Variants in RP1 observed in about 807,000 individuals in gnomAD.
The protein encoded by RP1 is RP1 axonemal microtubule associated, also known as oxygen-regulated protein 1.
Under a neutral mutation model 14.8 loss-of-function variants are expected in RP1, and 16 were observed. That is an observed-to-expected ratio of 1.08 (90% CI 0.73 to 1.65). The LOEUF (loss-of-function observed/expected upper bound fraction) is 1.65. RP1 is among the 40% of genes most tolerant of loss of function. The pLI, the probability that RP1 is intolerant of heterozygous loss-of-function variation, is 0.00. For missense variants in RP1, 2,631 were observed against 2,535.0 expected (o/e 1.04, Z -0.81); for synonymous variants, 876 against 883.6 (o/e 0.99, Z 0.15).
chr8:54,646,980 G>C (rs1806563785), intron 3 of RP1, among the ~76,000 whole-genome samples: 1 of 152,160 alleles, frequency 6.6e-6, no homozygotes, highest in African/African-American at 2.4e-5. Context: ...CACTGTTAAA[G>C]ACAGACCATC....
chr8:54,623,206 T>TA (rs1805929099), intron 3 of RP1, among the ~76,000 whole-genome samples: 1 of 152,200 alleles, frequency 6.6e-6, no homozygotes. Context: ...ATAAATATGG[T>TA]AGTGCTATTT....
chr8:54,729,162 T>A (rs772850996), intron 17 of RP1, among the ~76,000 whole-genome samples: 35 of 152,318 alleles, frequency 2.3e-4, no homozygotes, highest in Non-Finnish European at 4.9e-4. Context: ...CCCTTAGATA[T>A]CTTTCCGGCA....
chr8:54,737,909 G>A (rs1337591639), intron 18 of RP1, among the ~76,000 whole-genome samples: 2 of 152,054 alleles, frequency 1.3e-5, no homozygotes, highest in African/African-American at 4.8e-5. Flanking sequence ...AGTCTGCAGA[G>A]GTAGATTGGT....
At chr8:54,756,243 T>G (rs1809501542) in intron 21 of RP1, among the ~76,000 whole-genome samples, 1 of 152,230 alleles carries the variant, frequency 6.6e-6, no homozygotes, top group Non-Finnish European at 1.5e-5. Context: ...TTTGTCCTTA[T>G]AGACAAACAT....
chr8:54,722,549 A>G (rs1808562221), intron 16 of RP1, among the ~76,000 whole-genome samples: 1 of 152,136 alleles, frequency 6.6e-6, no homozygotes, highest in Non-Finnish European at 1.5e-5. Context: ...TTTTCTAACT[A>G]AACTATCTAC....
At position 54,831,401 on chromosome 8, in the gene RP1, C is replaced by CTTT. The variant is rs368455444; in HGVS notation, c.3616-6033_3616-6031dup. 4.4e-3 allele frequency among the ~76,000 whole-genome samples: 452 copies of CTTT among 102,700 alleles called. 5 individuals are homozygous for CTTT. Among genetic ancestry groups the CTTT allele is most frequent in the South Asian group, 7.1e-3 (20 of 2,802 alleles). 67.4% of individuals were successfully genotyped at this position (102,700 alleles called of 152,430 possible). ...TCTTTTTTGGGATAACCTATTGTTT[C>CTTT]TTTTTTTTTTTTTTTTTTAACATTC... is the stretch of plus-strand genomic sequence containing the variant. On this transcript the variant is annotated intron_variant, in intron 24 of 28. Coordinates refer to the RP1 transcript ENST00000637698.
intron 12 of RP1, among the ~76,000 whole-genome samples, chr8:54,685,962 C>A (rs931602645): frequency 6.6e-6 from 1 of 152,194 alleles, no homozygotes; most frequent in East Asian, 1.9e-4. Context: ...CCAGCTGAAT[C>A]TCCAACCAGC....
At chr8:54,680,670 A>G (rs702759) in intron 12 of RP1, among the ~76,000 whole-genome samples, 150,646 of 152,316 alleles carry the variant, frequency 0.99, 74,500 homozygotes, top group East Asian at 1. Flanking sequence ...ATGAAAATAA[A>G]TGTCTGGGCC....
chr8:54,604,542 G>A (rs887731365), intron 1 of RP1, among the ~76,000 whole-genome samples: 1 of 152,144 alleles, frequency 6.6e-6, no homozygotes, highest in African/African-American at 2.4e-5. Flanking sequence ...TCAGGATGAT[G>A]CTGGCCTCAT....
intron 23 of RP1, chr8:54,783,440 G>T (rs1028031718): frequency 7.9e-6 from 4 of 508,994 alleles, no homozygotes; most frequent in African/African-American, 2.0e-5. Flanking sequence ...TTGATTTCAC[G>T]AACTATTCAT....
chr8:54,736,443 C>A (rs1808923269), intron 18 of RP1, among the ~76,000 whole-genome samples: 1 of 152,140 alleles, frequency 6.6e-6, no homozygotes, highest in South Asian at 2.1e-4. Context: ...TCCTCAGTAT[C>A]CTACTTAGCA....
chr8:54,813,702 CATGCACTGGATA>C (rs1211553333), intron 24 of RP1, among the ~76,000 whole-genome samples: 3 of 152,210 alleles, frequency 2.0e-5, no homozygotes, highest in Non-Finnish European at 2.9e-5. Context: ...CATTTACACA[CATGCACTGGATA>C]AGCACAGGCT....
intron 17 of RP1, among the ~76,000 whole-genome samples, chr8:54,729,981 T>A (rs1808754105): frequency 6.6e-6 from 1 of 152,084 alleles, no homozygotes; most frequent in Non-Finnish European, 1.5e-5. Flanking sequence ...AGTTTTATTT[T>A]TTTTAATGCT....
At chr8:54,814,958 G>A (rs1399410086) in intron 24 of RP1, among the ~76,000 whole-genome samples, 3 of 152,214 alleles carry the variant, frequency 2.0e-5, no homozygotes, top group African/African-American at 4.8e-5. Context: ...GCAGTGAGCC[G>A]AGATTGCACC....
chr8:54,793,713 A>T (rs1301694915), intron 24 of RP1, among the ~76,000 whole-genome samples: 1 of 151,906 alleles, frequency 6.6e-6, no homozygotes, highest in African/African-American at 2.4e-5. Context: ...AACCCACAGC[A>T]AACATTATAC....
intron 12 of RP1, among the ~76,000 whole-genome samples, chr8:54,698,965 C>A (rs1807943116): frequency 6.6e-6 from 1 of 152,048 alleles, no homozygotes; most frequent in Non-Finnish European, 1.5e-5. Flanking sequence ...TGCAGCAAAC[C>A]AACATGGCAC....
chr8:54,816,739 T>C lies in RP1; in HGVS notation c.3616-20711T>C, dbSNP rs145887942. 6.6e-5 allele frequency among the ~76,000 whole-genome samples: 10 copies of C among 152,296 alleles called. No individual in the cohort carries two copies. In the East Asian group the frequency reaches 1.7e-3, roughly 26 times the overall value. On this transcript the variant is annotated intron_variant, in intron 24 of 28. Transcript: ENST00000637698. ...TCTTTTAGAAACATAAACTGGAACATGTTATCTCCTGCTTTAAATCCTCAC... is the reference window on the plus strand; with the variant it reads ...TCTTTTAGAAACATAAACTGGAACACGTTATCTCCTGCTTTAAATCCTCAC...
At chr8:54,726,885 C>T (rs151210624) in intron 17 of RP1, among the ~76,000 whole-genome samples, 198 of 152,034 alleles carry the variant, frequency 1.3e-3, no homozygotes, top group African/African-American at 4.6e-3. Flanking sequence ...TGCTCTCGGT[C>T]CCAGAGGCTT....
downstream of RP1, among the ~76,000 whole-genome samples, chr8:54,633,407 T>C (rs1333271478): frequency 2.0e-5 from 3 of 152,236 alleles, no homozygotes; most frequent in East Asian, 5.8e-4. Flanking sequence ...CTTTCAAATA[T>C]TATAATGTAA....
Sources: gnomAD v4.1 joint callset for allele counts (sites outside exome capture counted in the v4.1 genomes callset) on GRCh38, gnomAD v4.1.1 for gene constraint, MANE v1.5 for transcripts, NCBI Gene and HGNC (gene_info 2026-07-23, HGNC 2026-07-21) for gene names.